LIMCH1: variants seen among roughly 807,000 people sequenced by gnomAD.
The protein encoded by LIMCH1 is LIM and calponin homology domains-containing protein 1.
In LIMCH1, 113 loss-of-function variants were observed where a neutral mutation model predicts 176.5. That is an observed-to-expected ratio of 0.64 (90% CI 0.55 to 0.75). LIMCH1 has a LOEUF of 0.75. LIMCH1 is among the 30% of genes least tolerant of loss of function. The pLI is 0.00. For synonymous variants in LIMCH1, 619 were observed against 645.9 expected (o/e 0.96, Z 0.63); for missense variants, 1,674 against 1,814.9 (o/e 0.92, Z 1.41).
chr4:41,653,091 T>C (rs1442849822), intron 18 of LIMCH1, among the ~76,000 whole-genome samples: 2 of 152,170 alleles, frequency 1.3e-5, no homozygotes, highest in African/African-American at 4.8e-5. Context: ...AAAATCTCTG[T>C]ATATATCTGT....
intron 1 of LIMCH1, among the ~76,000 whole-genome samples, chr4:41,489,092 C>A (rs1406876264): frequency 1.3e-5 from 2 of 151,992 alleles, no homozygotes; most frequent in Non-Finnish European, 2.9e-5. Flanking sequence ...TCTTGTTATC[C>A]TTTTAGTATC....
chr4:41,423,036 G>A (rs928904545), intron 1 of LIMCH1, among the ~76,000 whole-genome samples: 1 of 152,216 alleles, frequency 6.6e-6, no homozygotes, highest in African/African-American at 2.4e-5. Context: ...GGAATTACAA[G>A]TGTGAGCCAC....
At chr4:41,579,273 G>A (rs746498256) in intron 1 of LIMCH1, among the ~76,000 whole-genome samples, 5 of 152,082 alleles carry the variant, frequency 3.3e-5, no homozygotes, top group Non-Finnish European at 5.9e-5. Flanking sequence ...CTCCTGTTCC[G>A]TAAGAGTCTG....
At chr4:41,400,639 A>C (rs1053031248) in intron 1 of LIMCH1, among the ~76,000 whole-genome samples, 1 of 152,148 alleles carries the variant, frequency 6.6e-6, no homozygotes, top group African/African-American at 2.4e-5. Flanking sequence ...CGGTAATGCC[A>C]AGGGCTGTAG....
rs535661478 is a variant in LIMCH1 at position 41,612,412 on chromosome 4, C to T, written c.10-1054C>T. 30 of 615,558 alleles carry T rather than the reference C, an allele frequency of 4.9e-5. 1 individual carries two copies. In the East Asian group the frequency reaches 8.3e-4, roughly 17 times the overall value. The allele number at this position is 615,558 out of a possible 1,614,324, so 38.1% of individuals were successfully genotyped here. A position where few individuals can be genotyped will look rare whatever the true frequency, so the allele number is the denominator to read the frequency against. On this transcript the variant is annotated intron_variant, in intron 4 of 31. Coordinates refer to ENST00000503057, the MANE Select transcript of LIMCH1 (RefSeq NM_001330672.2). The stretch of plus-strand genomic sequence containing the variant: ...CCCAGGGAATCTGCAGTGTGGCATT[C>T]CAGTCTTTGCGGATGAGAACATGCC...
intron 1 of LIMCH1, among the ~76,000 whole-genome samples, chr4:41,419,604 GTCCT>G (rs771746018): frequency 0.19 from 8,882 of 46,720 alleles, 747 homozygotes; most frequent in East Asian, 0.26. Context: ...CCTTCCTTCC[GTCCT>G]TCCTTCCTTC....
At position 41,461,789 on chromosome 4, in the gene LIMCH1, C is replaced by T. The variant is rs184681231; in HGVS notation, c.97-32747C>T. ...ACATGAATCCAAGTGGCATTTCTCC[C>T]TCACATGTTGTCCCTTTGCTTTGCA... On this transcript the variant is annotated intron_variant, in intron 1 of 26. Coordinates refer to the LIMCH1 transcript ENST00000313860. Among the ~76,000 whole-genome samples, 114 of 152,318 alleles carry T rather than the reference C, an allele frequency of 7.5e-4. 1 individual carries two copies. The highest frequency in any genetic ancestry group is 2.6e-3 in the African/African-American group (108 of 41,574).
rs757403118 is a variant in LIMCH1, at chr4:41,613,095, C to G, written c.10-371C>G. Reference sequence around the variant, plus strand: ...CAGTTATGGATTCCGAAAGACAAGTCAAGGTTAAGGTTTTGGTTTTTCGTT... The same window carrying G: ...CAGTTATGGATTCCGAAAGACAAGTGAAGGTTAAGGTTTTGGTTTTTCGTT... On this transcript the variant is annotated intron_variant, in intron 4 of 31. Coordinates refer to ENST00000503057, the MANE Select transcript of LIMCH1 (RefSeq NM_001330672.2). 1.9e-6 allele frequency: 3 copies of G among 1,551,974 alleles called. No homozygotes were observed. In the African/African-American group the frequency reaches 4.1e-5, roughly 21 times the overall value.
chr4:41,457,761 AAC>A (rs1410271697), intron 1 of LIMCH1, among the ~76,000 whole-genome samples: 1 of 152,176 alleles, frequency 6.6e-6, no homozygotes, highest in East Asian at 1.9e-4. Context: ...TGCATTTGTG[AAC>A]AGTTATGCAA....
intron 25 of LIMCH1, among the ~76,000 whole-genome samples, chr4:41,681,819 TAAA>T (rs1329630056): frequency 6.6e-6 from 1 of 151,684 alleles, no homozygotes; most frequent in Non-Finnish European, 1.5e-5. Context: ...AGACAACAAA[TAAA>T]AAAACCTAAA....
intron 1 of LIMCH1, among the ~76,000 whole-genome samples, chr4:41,431,263 T>C (rs1053298003): frequency 9.2e-5 from 14 of 151,766 alleles, no homozygotes; most frequent in Admixed American, 5.9e-4. Context: ...CTCCCCCTGC[T>C]TGGTGGAAAG....
At chr4:41,642,036 GAT>G (rs1257947348) in intron 14 of LIMCH1, among the ~76,000 whole-genome samples, 1 of 152,166 alleles carries the variant, frequency 6.6e-6, no homozygotes, top group African/African-American at 2.4e-5. Flanking sequence ...TCAAATCCCA[GAT>G]CCTGGAGAAG....
intron 1 of LIMCH1, among the ~76,000 whole-genome samples, chr4:41,433,053 C>T (rs935637500): frequency 6.6e-6 from 1 of 152,208 alleles, no homozygotes; most frequent in Non-Finnish European, 1.5e-5. Flanking sequence ...AGACAGTGGT[C>T]CAGTGACTTT....
At chr4:41,647,254 C>T (rs1486703029) in intron 17 of LIMCH1, among the ~76,000 whole-genome samples, 1 of 152,162 alleles carries the variant, frequency 6.6e-6, no homozygotes, top group African/African-American at 2.4e-5. Flanking sequence ...GTATGGCAGA[C>T]TCCTCAAAAC....
intron 2 of LIMCH1, among the ~76,000 whole-genome samples, chr4:41,518,609 C>G (rs1169273926): frequency 6.6e-6 from 1 of 152,160 alleles, no homozygotes; most frequent in African/African-American, 2.4e-5. Flanking sequence ...GATACATGTG[C>G]AGAACGTGCA....
chr4:41,651,364 G>A (rs1400020567), intron 18 of LIMCH1, among the ~76,000 whole-genome samples: 2 of 152,064 alleles, frequency 1.3e-5, no homozygotes, highest in Non-Finnish European at 2.9e-5. Flanking sequence ...CTTCTCCCTT[G>A]TGACCTCATC....
intron 1 of LIMCH1, among the ~76,000 whole-genome samples, chr4:41,459,678 C>T (rs2065052766): frequency 6.6e-6 from 1 of 152,084 alleles, no homozygotes; most frequent in Admixed American, 6.6e-5. Context: ...AAGAACTAAA[C>T]AGGAGGCAGG....
At chr4:41,602,124 CAAAAAA>C (rs540240960) in intron 2 of LIMCH1, among the ~76,000 whole-genome samples, 39 of 73,296 alleles carry the variant, frequency 5.3e-4, no homozygotes, top group Middle Eastern at 7.2e-3. Flanking sequence ...TTGAGTAGAC[CAAAAAA>C]AAAAAAAAAA....
chr4:41,553,143 T>A (rs1452901328), intron 1 of LIMCH1, among the ~76,000 whole-genome samples: 1 of 152,138 alleles, frequency 6.6e-6, no homozygotes, highest in Admixed American at 6.5e-5. Flanking sequence ...CTCGCAGTGA[T>A]GGGCAGCTGT....
Sources: allele counts gnomAD v4.1 joint callset (sites outside exome capture counted in the v4.1 genomes callset), GRCh38; gene constraint gnomAD v4.1.1; transcripts MANE v1.5; gene names NCBI Gene and HGNC (gene_info 2026-07-23, HGNC 2026-07-21).